ERC1: variants seen among roughly 807,000 people sequenced by gnomAD.
ERC1 encodes the protein ELKS/RAB6-interacting/CAST family member 1.
In ERC1, 56 loss-of-function variants were observed where a neutral mutation model predicts 132.0. The observed-to-expected ratio is 0.42, with a 90% CI of 0.34 to 0.53. The LOEUF is 0.53. ERC1 is among the 20% of genes least tolerant of loss of function. The pLI is 0.03. For synonymous variants in ERC1, 478 were observed against 476.1 expected (o/e 1.00, Z -0.05); for missense variants, 1,202 against 1,349.9 (o/e 0.89, Z 1.72).
chr12:1,149,693 C>T (rs1473850314), intron 8 of ERC1, among the ~76,000 whole-genome samples: 1 of 152,148 alleles, frequency 6.6e-6, no homozygotes, highest in African/African-American at 2.4e-5. Context: ...GCCACCATGC[C>T]AGACATCTTT....
intron 12 of ERC1, among the ~76,000 whole-genome samples, chr12:1,205,867 A>G (rs1246991264): frequency 6.6e-6 from 1 of 152,118 alleles, no homozygotes; most frequent in Non-Finnish European, 1.5e-5. Flanking sequence ...CATTTGTCCC[A>G]TAGTTAGTCC....
intron 12 of ERC1, among the ~76,000 whole-genome samples, chr12:1,200,791 C>A (rs1433326289): frequency 6.6e-6 from 1 of 152,062 alleles, no homozygotes; most frequent in Non-Finnish European, 1.5e-5. Flanking sequence ...ATCTCCTGAC[C>A]TCGTGATCCG....
chr12:1,017,784 C>T (rs1380743578), intron 1 of ERC1, among the ~76,000 whole-genome samples: 1 of 152,144 alleles, frequency 6.6e-6, no homozygotes, highest in Non-Finnish European at 1.5e-5. Context: ...CAGGCGTGAG[C>T]CACCATGCCC....
At chr12:1,366,451 C>A (rs1290908900) in intron 15 of ERC1, among the ~76,000 whole-genome samples, 5 of 152,094 alleles carry the variant, frequency 3.3e-5, no homozygotes, top group Non-Finnish European at 7.4e-5. Flanking sequence ...AAGTGAGTAG[C>A]CAGATTTTGA....
chr12:1,449,086 G>A (rs1434312026), intron 18 of ERC1, among the ~76,000 whole-genome samples: 1 of 152,216 alleles, frequency 6.6e-6, no homozygotes, highest in East Asian at 1.9e-4. Flanking sequence ...AGACTTGCCT[G>A]GGGCCTGTAG....
intron 17 of ERC1, among the ~76,000 whole-genome samples, chr12:1,417,652 G>T (rs142560577): frequency 6.6e-6 from 1 of 151,784 alleles, no homozygotes; most frequent in African/African-American, 2.4e-5. Flanking sequence ...GTGGTGGCGC[G>T]TGCCTGTAAT....
intron 13 of ERC1, among the ~76,000 whole-genome samples, chr12:1,248,857 G>C (rs2076309783): frequency 6.6e-6 from 1 of 152,080 alleles, no homozygotes; most frequent in Admixed American, 6.5e-5. Context: ...GGCTCTGTGA[G>C]AATTGAGGAG....
At chr12:1,014,572 C>G (rs1214154650) in intron 1 of ERC1, among the ~76,000 whole-genome samples, 2 of 152,082 alleles carry the variant, frequency 1.3e-5, no homozygotes, top group African/African-American at 4.8e-5. Flanking sequence ...TCTGGTCTTT[C>G]AGAAATAGGC....
chr12:1,204,457 C>T, intron 12 of ERC1: 1 of 1,533,220 alleles, frequency 6.5e-7, no homozygotes, highest in South Asian at 1.2e-5. Flanking sequence ...TTCTTTCTAA[C>T]TTTCTTTTTC....
At chr12:1,249,748 T>C (rs1202668932) in intron 13 of ERC1, among the ~76,000 whole-genome samples, 4 of 152,162 alleles carry the variant, frequency 2.6e-5, no homozygotes, top group Non-Finnish European at 5.9e-5. Flanking sequence ...ACAACAGAAA[T>C]TTATTTCTCA....
chr12:1,056,958 G>A (rs1285001573), intron 2 of ERC1, among the ~76,000 whole-genome samples: 1 of 152,032 alleles, frequency 6.6e-6, no homozygotes, highest in Non-Finnish European at 1.5e-5. Flanking sequence ...CTGTATCAAT[G>A]ATACAACAAA....
At chr12:1,483,654 C>A (rs2094134578) in intron 18 of ERC1, among the ~76,000 whole-genome samples, 2 of 136,684 alleles carry the variant, frequency 1.5e-5, no homozygotes, top group African/African-American at 5.4e-5. Context: ...AAAACTCCTT[C>A]CAGCCACTGA....
At chr12:1,142,801 T>C (rs1457685058) in intron 8 of ERC1, among the ~76,000 whole-genome samples, 1 of 152,256 alleles carries the variant, frequency 6.6e-6, no homozygotes, top group Non-Finnish European at 1.5e-5. Flanking sequence ...ATTTTTGTTT[T>C]GAGTTCTTTC....
chr12:1,154,070 T>A (rs1160253716), intron 8 of ERC1, among the ~76,000 whole-genome samples: 1 of 152,096 alleles, frequency 6.6e-6, no homozygotes, highest in Admixed American at 6.6e-5. Context: ...CTCCCTCTTA[T>A]GAGTGAGAAC....
chr12:1,392,194 A>G (rs892212651), intron 16 of ERC1, among the ~76,000 whole-genome samples: 3 of 152,110 alleles, frequency 2.0e-5, no homozygotes, highest in African/African-American at 7.2e-5. Context: ...TACTAAGAAG[A>G]AACGTCATGG....
At chr12:1,093,123 A>G (rs1943463163) in intron 3 of ERC1, among the ~76,000 whole-genome samples, 1 of 152,048 alleles carries the variant, frequency 6.6e-6, no homozygotes, top group Admixed American at 6.6e-5. Flanking sequence ...ATTTGTAGCT[A>G]TTAGTAGTAA....
intron 7 of ERC1, among the ~76,000 whole-genome samples, chr12:1,135,495 C>G (rs1220064272): frequency 6.6e-6 from 1 of 152,130 alleles, no homozygotes; most frequent in Non-Finnish European, 1.5e-5. Flanking sequence ...TAGTATCCTC[C>G]ATAAATCTGT....
chr12:1,163,750 C>CT (rs1952090537), intron 8 of ERC1, among the ~76,000 whole-genome samples: 1 of 152,168 alleles, frequency 6.6e-6, no homozygotes, highest in South Asian at 2.1e-4. Context: ...GAGTCTCACT[C>CT]TGTCACCCAG....
intron 18 of ERC1, among the ~76,000 whole-genome samples, chr12:1,456,486 G>T (rs1284170694): frequency 6.6e-6 from 1 of 152,030 alleles, no homozygotes; most frequent in Non-Finnish European, 1.5e-5. Flanking sequence ...CAGCAGCTGA[G>T]TAAACTTGGG....
Sources: allele counts gnomAD v4.1 joint callset (sites outside exome capture counted in the v4.1 genomes callset), GRCh38; gene constraint gnomAD v4.1.1; transcripts MANE v1.5; gene names NCBI Gene and HGNC (gene_info 2026-07-23, HGNC 2026-07-21).